C8orf34: variants seen among roughly 807,000 people sequenced by gnomAD.
The protein encoded by C8orf34 is uncharacterized protein C8orf34.
C8orf34 carries 65 observed loss-of-function variants against 68.3 expected under a neutral mutation model. The ratio of observed to expected loss-of-function variants is 0.95; its 90% CI spans 0.78 to 1.17. The LOEUF (loss-of-function observed/expected upper bound fraction) is 1.17, where lower values mean the gene tolerates loss of function less well. C8orf34 is among the 50% of genes most tolerant of loss of function. The pLI is 0.00. For missense variants in C8orf34, 664 were observed against 655.4 expected (o/e 1.01, Z -0.14); for synonymous variants, 244 against 241.2 (o/e 1.01, Z -0.11).
intron 8 of C8orf34, among the ~76,000 whole-genome samples, chr8:68,705,460 A>C (rs1821134697): frequency 6.6e-6 from 1 of 152,164 alleles, no homozygotes; most frequent in Admixed American, 6.6e-5. Context: ...CCTTAAGAAC[A>C]AATAGAGGTT....
At chr8:68,371,875 G>A (rs1807580292) in intron 1 of C8orf34, among the ~76,000 whole-genome samples, 1 of 152,112 alleles carries the variant, frequency 6.6e-6, no homozygotes, top group South Asian at 2.1e-4. Context: ...TGGGATTACA[G>A]GCACCACTTA....
chr8:68,671,167 G>A (rs969287264), intron 8 of C8orf34, among the ~76,000 whole-genome samples: 1 of 152,176 alleles, frequency 6.6e-6, no homozygotes, highest in South Asian at 2.1e-4. Context: ...TATGATAGCT[G>A]TTAAGTTTCA....
rs577694451 is a variant in C8orf34, at chr8:68,574,071, A to G, written c.1105+40922A>G. Among the ~76,000 whole-genome samples the G allele has an allele frequency of 4.2e-3, 632 of 152,268 alleles. 5 individuals carry two copies. Among genetic ancestry groups the G allele is most frequent in the African/African-American group, 0.015 (611 of 41,576 alleles). Reference sequence around the variant, plus strand: ...TATTTGACTACCAAATTATTTTTCAAGTAATACTAGTGACACACCATAAAA... The same window carrying G: ...TATTTGACTACCAAATTATTTTTCAGGTAATACTAGTGACACACCATAAAA... On this transcript the variant is annotated intron_variant, in intron 7 of 13. Coordinates refer to ENST00000518698, the MANE Select transcript of C8orf34 (RefSeq NM_052958.4).
intron 12 of C8orf34, among the ~76,000 whole-genome samples, chr8:68,812,479 T>C (rs916489628): frequency 6.6e-6 from 1 of 152,166 alleles, no homozygotes; most frequent in Non-Finnish European, 1.5e-5. Context: ...ATAAATTATA[T>C]GTGACTTTCT....
At chr8:68,731,483 G>T (rs1216706149) in intron 10 of C8orf34, among the ~76,000 whole-genome samples, 2 of 152,024 alleles carry the variant, frequency 1.3e-5, no homozygotes, top group Admixed American at 1.3e-4. Context: ...TGACTGTTAG[G>T]TTATATCGAA....
At chr8:68,422,307 G>A (rs909454880) in intron 1 of C8orf34, among the ~76,000 whole-genome samples, 1 of 152,204 alleles carries the variant, frequency 6.6e-6, no homozygotes, top group Admixed American at 6.5e-5. Context: ...CTTCCTTGAT[G>A]CAATGGAGAT....
chr8:68,336,022 G>A lies in C8orf34; in HGVS notation c.327+4683G>A, dbSNP rs138714482. ...GAATTGCTTGAACCCAGGAAGTGGA[G>A]GTTGCAGTGAGCCAAGATTATGCCA... On this transcript the variant is annotated intron_variant, in intron 1 of 13. Coordinates refer to ENST00000518698, the MANE Select transcript of C8orf34 (RefSeq NM_052958.4). Among the ~76,000 whole-genome samples, 189 of 152,292 alleles carry A rather than the reference G, an allele frequency of 1.2e-3. 2 individuals are homozygous for A. Among genetic ancestry groups the A allele is most frequent in the African/African-American group, 4.5e-3 (186 of 41,564 alleles).
chr8:68,633,944 T>C (rs1818765742), intron 7 of C8orf34, among the ~76,000 whole-genome samples: 1 of 151,498 alleles, frequency 6.6e-6, no homozygotes, highest in South Asian at 2.1e-4. Flanking sequence ...ATTGACACAA[T>C]AGAAATTAAC....
chr8:68,519,734 G>A (rs968150156), intron 5 of C8orf34, among the ~76,000 whole-genome samples: 8 of 151,880 alleles, frequency 5.3e-5, no homozygotes, highest in Admixed American at 4.6e-4. Context: ...ACCTGGGGGT[G>A]GGGGGGAAGA....
chr8:68,511,493 G>A (rs1455135363), intron 5 of C8orf34, among the ~76,000 whole-genome samples: 1 of 152,168 alleles, frequency 6.6e-6, no homozygotes, highest in African/African-American at 2.4e-5. Flanking sequence ...GATGGAGCAG[G>A]TGACCAGCGG....
At chr8:68,409,557 T>C (rs1431690880) in intron 1 of C8orf34, among the ~76,000 whole-genome samples, 2 of 152,196 alleles carry the variant, frequency 1.3e-5, no homozygotes, top group Non-Finnish European at 2.9e-5. Context: ...CTAAGTGTTA[T>C]GAGAGAAGAG....
intron 8 of C8orf34, among the ~76,000 whole-genome samples, chr8:68,701,155 T>C (rs891931948): frequency 6.6e-6 from 1 of 152,092 alleles, no homozygotes; most frequent in East Asian, 1.9e-4. Context: ...TAAAGTTCTT[T>C]GTAGAAATTT....
chr8:68,405,094 G>T (rs1369333221), intron 1 of C8orf34, among the ~76,000 whole-genome samples: 2 of 152,104 alleles, frequency 1.3e-5, no homozygotes, highest in South Asian at 2.1e-4. Flanking sequence ...TCCCTTGTAT[G>T]TTGTATTCCT....
At chr8:68,359,709 C>T (rs561798390) in intron 1 of C8orf34, among the ~76,000 whole-genome samples, 4 of 152,222 alleles carry the variant, frequency 2.6e-5, no homozygotes, top group East Asian at 1.9e-4. Flanking sequence ...GTGGATAGTG[C>T]GTGCTACCTG....
intron 7 of C8orf34, among the ~76,000 whole-genome samples, chr8:68,594,718 C>A (rs1415407665): frequency 6.6e-6 from 1 of 151,924 alleles, no homozygotes; most frequent in Non-Finnish European, 1.5e-5. Context: ...CATTATAATT[C>A]TGGGTATTTT....
chr8:68,506,696 T>C (rs969016584), intron 5 of C8orf34, among the ~76,000 whole-genome samples: 4 of 152,232 alleles, frequency 2.6e-5, no homozygotes, highest in South Asian at 2.1e-4. Context: ...TCTATTAATA[T>C]AAATGTTTAA....
intron 10 of C8orf34, among the ~76,000 whole-genome samples, chr8:68,735,178 A>G (rs111865554): frequency 0.079 from 12,072 of 152,216 alleles, 526 homozygotes; most frequent in Middle Eastern, 0.16. Flanking sequence ...ATGGGATTCA[A>G]ATAATCACTT....
intron 4 of C8orf34, among the ~76,000 whole-genome samples, chr8:68,470,993 G>T (rs1053477536): frequency 6.6e-6 from 1 of 152,082 alleles, no homozygotes; most frequent in African/African-American, 2.4e-5. Flanking sequence ...TTTAATACTT[G>T]CAGGCCAGCC....
intron 3 of C8orf34, among the ~76,000 whole-genome samples, chr8:68,461,744 A>G (rs891135055): frequency 1.2e-4 from 18 of 152,158 alleles, no homozygotes; most frequent in African/African-American, 2.7e-4. Context: ...CAAATGCTGA[A>G]AGATTTTGTC....
Sources: allele counts gnomAD v4.1 joint callset (sites outside exome capture counted in the v4.1 genomes callset), GRCh38; gene constraint gnomAD v4.1.1; transcripts MANE v1.5; gene names NCBI Gene and HGNC (gene_info 2026-07-23, HGNC 2026-07-21).